The following EGFR variants were observed in gnomAD, a reference collection of about 807,000 sequenced individuals.
The protein encoded by EGFR is epidermal growth factor receptor, also known as avian erythroblastic leukemia viral (v-erb-b) oncogene homolog.
Under a neutral mutation model 143.0 loss-of-function variants are expected in EGFR, and 58 were observed. That is an observed-to-expected ratio of 0.41 (90% CI 0.33 to 0.50). EGFR has a LOEUF of 0.50. EGFR is among the 20% of genes least tolerant of loss of function. The pLI is 0.39. For synonymous variants in EGFR, 613 were observed against 594.4 expected (o/e 1.03, Z -0.45); for missense variants, 1,307 against 1,579.0 (o/e 0.83, Z 2.92).
Position 55,208,947 on chromosome 7 carries a change from G to A in EGFR, c.*3330G>A, listed in dbSNP as rs1016874819. The A allele has an allele frequency of 6.6e-6, 1 of 152,166 alleles. No individual in the cohort carries two copies. Among genetic ancestry groups the A allele is most frequent in the African/African-American group, 2.4e-5 (1 of 41,426 alleles). 9.4% of individuals were successfully genotyped at this position (152,166 alleles called of 1,614,324 possible). ...ATTGCAACATTCATCAAAGTTTCTAGAACCTCTGGCCTAAAGGAAGGGCCT... is the reference window on the plus strand; with the variant it reads ...ATTGCAACATTCATCAAAGTTTCTAAAACCTCTGGCCTAAAGGAAGGGCCT... On this transcript the variant is annotated 3_prime_UTR_variant, in exon 28 of 28. Transcript: ENST00000275493.
chr7:55,157,421 G>T (rs41318645), intron 10 of EGFR, among the ~76,000 whole-genome samples: 10 of 152,232 alleles, frequency 6.6e-5, no homozygotes, highest in African/African-American at 1.9e-4. Context: ...CCACAGCCAG[G>T]GGGGCGGCGG....
intron 1 of EGFR, among the ~76,000 whole-genome samples, chr7:55,085,982 T>C (rs555181820): frequency 7.3e-4 from 104 of 142,954 alleles, no homozygotes; most frequent in African/African-American, 2.5e-3. Context: ...CCCCACCCCC[T>C]AGAAGCCCCT....
chr7:55,171,031 A>G (rs1786325380), intron 15 of EGFR, 144 bp from the exon 16 acceptor site: 1 of 1,500,532 alleles, frequency 6.7e-7, no homozygotes, highest in African/African-American at 1.4e-5. Context: ...ATTAACCACC[A>G]ATCCAACATC....
At chr7:55,033,247 T>G (rs1476600028) in intron 1 of EGFR, among the ~76,000 whole-genome samples, 1 of 152,246 alleles carries the variant, frequency 6.6e-6, no homozygotes, top group Non-Finnish European at 1.5e-5. Context: ...GACTAACATA[T>G]GAATATACAA....
chr7:55,064,457 G>T (rs147593713), intron 1 of EGFR, among the ~76,000 whole-genome samples: 2,359 of 152,282 alleles, frequency 0.015, 65 homozygotes, highest in African/African-American at 0.054. Flanking sequence ...ATCCTTTACT[G>T]TTTCAGAGTC....
At chr7:55,057,914 C>T (rs921242949) in intron 1 of EGFR, among the ~76,000 whole-genome samples, 3 of 152,204 alleles carry the variant, frequency 2.0e-5, no homozygotes, top group African/African-American at 7.2e-5. Context: ...AAGCAACGTG[C>T]TCTTTTTAAA....
At chr7:55,049,106 C>T (rs1031041800) in intron 1 of EGFR, among the ~76,000 whole-genome samples, 3 of 152,132 alleles carry the variant, frequency 2.0e-5, no homozygotes, top group Admixed American at 1.3e-4. Flanking sequence ...CGAAGGACTT[C>T]GATTTTGCTG....
intron 1 of EGFR, among the ~76,000 whole-genome samples, chr7:55,099,474 A>G (rs1317747077): frequency 2.0e-5 from 3 of 152,220 alleles, no homozygotes; most frequent in African/African-American, 7.2e-5. Flanking sequence ...GAAAAGGTGA[A>G]ATCATTGCTT....
At chr7:55,146,481 T>G (rs1353346731) in intron 3 of EGFR, 125 bp from the exon 4 acceptor site, 6 of 1,486,620 alleles carry the variant, frequency 4.0e-6, no homozygotes, top group Middle Eastern at 4.6e-4. Context: ...CTGGGCTAAT[T>G]GCGGGACTCT....
At chr7:55,105,569 C>T (rs1439537790) in intron 1 of EGFR, among the ~76,000 whole-genome samples, 1 of 152,180 alleles carries the variant, frequency 6.6e-6, no homozygotes, top group Non-Finnish European at 1.5e-5. Context: ...ATGAAAACAG[C>T]TTCTGCACAA....
chr7:55,152,631 A>G lies in EGFR; in HGVS notation c.714A>G (p.Ala238=), dbSNP rs2128933836. 1 of 1,613,858 alleles carries G rather than the reference A, an allele frequency of 6.2e-7. No homozygotes were observed. The highest frequency in any genetic ancestry group is 8.5e-7 in the Non-Finnish European group (1 of 1,180,014). ...PSDCCHNQCA[A]GCTGPRESDC... ...ACTGCTGCCACAACCAGTGTGCTGC[A>G]GGCTGCACAGGCCCCCGGGAGAGCG... The change falls in exon 6 of 28, where the codon GCA becomes GCG. Residue 238 remains alanine (A), a synonymous_variant. Coordinates refer to ENST00000275493, the MANE Select transcript of EGFR (RefSeq NM_005228.5).
chr7:55,021,152 G>C (rs1180358201), intron 1 of EGFR, among the ~76,000 whole-genome samples: 1 of 152,192 alleles, frequency 6.6e-6, no homozygotes, highest in African/African-American at 2.4e-5. Context: ...AAGGTAGAGT[G>C]TGATTCCAAT....
At chr7:55,030,780 C>T (rs1787201574) in intron 1 of EGFR, among the ~76,000 whole-genome samples, 2 of 152,202 alleles carry the variant, frequency 1.3e-5, no homozygotes, top group South Asian at 4.1e-4. Flanking sequence ...TGTTCATTTT[C>T]CATATCATAC....
At chr7:55,152,260 G>T in intron 5 of EGFR, 1 of 584,194 alleles carries the variant, frequency 1.7e-6, no homozygotes, top group Non-Finnish European at 3.2e-6. Context: ...AGGTATTTTT[G>T]TTCTTTGTAT....
intron 1 of EGFR, among the ~76,000 whole-genome samples, chr7:55,093,766 TA>T (rs934515485): frequency 6.6e-5 from 10 of 152,204 alleles, no homozygotes; most frequent in Admixed American, 4.6e-4. Flanking sequence ...TATCTTAATT[TA>T]GGGAGATGAA....
At chr7:55,111,933 C>T (rs534033181) in intron 1 of EGFR, among the ~76,000 whole-genome samples, 168 of 152,282 alleles carry the variant, frequency 1.1e-3, no homozygotes, top group African/African-American at 3.6e-3. Context: ...CACCACCTGA[C>T]GGATGGCTGA....
chr7:55,170,922 T>A lies in EGFR; in HGVS notation c.1881-253T>A, dbSNP rs149659398. The stretch of plus-strand genomic sequence containing the variant: ...ATGTGAAAACATCTCAATAACAAAC[T>A]GGCTGCTTTGTTCAATGCTAGAACA... On this transcript the variant is annotated intron_variant, in intron 15 of 27. Coordinates refer to ENST00000275493, the MANE Select transcript of EGFR (RefSeq NM_005228.5). 57 of 1,419,684 alleles carry A rather than the reference T, an allele frequency of 4.0e-5. No homozygotes were observed. The African/African-American group carries it at 6.5e-4, about 16-fold the overall frequency. The allele number at this position is 1,419,684 out of a possible 1,614,324, so 87.9% of individuals were successfully genotyped here.
At chr7:55,190,044 G>A (rs1179435187) in intron 20 of EGFR, among the ~76,000 whole-genome samples, 1 of 152,206 alleles carries the variant, frequency 6.6e-6, no homozygotes, top group Non-Finnish European at 1.5e-5. Flanking sequence ...CAGGGAGCTT[G>A]CCTCTGAAGG....
At chr7:55,092,383 A>T (rs145499823) in intron 1 of EGFR, among the ~76,000 whole-genome samples, 160 of 152,294 alleles carry the variant, frequency 1.1e-3, no homozygotes, top group Admixed American at 2.6e-3. Context: ...CATCAGTGGT[A>T]TTAGTCCCTG....
Sources: allele counts gnomAD v4.1 joint callset (sites outside exome capture counted in the v4.1 genomes callset), GRCh38; gene constraint gnomAD v4.1.1; transcripts MANE v1.5; gene names NCBI Gene and HGNC (gene_info 2026-07-23, HGNC 2026-07-21).